The following CEBPZ variants were observed in gnomAD, a reference collection of about 807,000 sequenced individuals.
The protein encoded by CEBPZ is CCAAT/enhancer-binding protein zeta.
In CEBPZ, 78 loss-of-function variants were observed where a neutral mutation model predicts 104.5. The ratio of observed to expected loss-of-function variants is 0.75; its 90% CI spans 0.62 to 0.90. The LOEUF is 0.90. Among genes scored for constraint, CEBPZ ranks in the 40% least tolerant of loss-of-function variants. The pLI, the probability that CEBPZ is intolerant of heterozygous loss-of-function variation, is 0.00. For missense variants in CEBPZ, 1,439 were observed against 1,233.5 expected (o/e 1.17, Z -2.50); for synonymous variants, 470 against 427.0 (o/e 1.10, Z -1.24).
At chr2:37,214,472 A>AT (rs1462180131) in intron 9 of CEBPZ, among the ~76,000 whole-genome samples, 1 of 152,136 alleles carries the variant, frequency 6.6e-6, no homozygotes, top group African/African-American at 2.4e-5. Context: ...AAAGTATTAT[A>AT]TTAAAATCTA....
chr2:37,224,376 A>G (rs1023446507), intron 2 of CEBPZ, among the ~76,000 whole-genome samples: 8 of 152,212 alleles, frequency 5.3e-5, no homozygotes, highest in African/African-American at 1.9e-4. Flanking sequence ...AGCTCTATTA[A>G]CACCTGGAAT....
intron 13 of CEBPZ, among the ~76,000 whole-genome samples, chr2:37,208,128 TAAC>T (rs1455759626): frequency 6.6e-6 from 1 of 152,064 alleles, no homozygotes; most frequent in Non-Finnish European, 1.5e-5. Context: ...AACAGACCAA[TAAC>T]AAGTAGCACG....
chr2:37,227,772 T>C lies in CEBPZ; in HGVS notation c.1421A>G (p.Lys474Arg), dbSNP rs747483335. ...CATTTTTGATTCAACATCTTTTTTT[T>C]TGACACAAGTCCGAAAAAAGCAAAA... The part of the protein sequence containing the change: ...VYFCFFRTCV[K>R]KKDVESKMLS... The change falls in exon 2 of 16, where the codon AAA becomes AGA. Residue 474 changes from lysine (K) to arginine (R), a missense_variant. Transcript: ENST00000234170. 24 of 1,613,794 alleles carry C rather than the reference T, an allele frequency of 1.5e-5. No individual in the cohort carries two copies. Among genetic ancestry groups the C allele is most frequent in the African/African-American group, 6.7e-5 (5 of 74,862 alleles).
At chr2:37,202,352 A>G (rs1677293129) in intron 15 of CEBPZ, 1 of 161,274 alleles carries the variant, frequency 6.2e-6, no homozygotes, top group Admixed American at 6.3e-5. Flanking sequence ...TCTTTCAAAA[A>G]TATTCCTATC....
intron 2 of CEBPZ, among the ~76,000 whole-genome samples, chr2:37,224,079 C>A (rs1421606941): frequency 6.6e-6 from 1 of 152,150 alleles, no homozygotes; most frequent in Non-Finnish European, 1.5e-5. Context: ...CCTGCCTTTC[C>A]CTCTTCTCTA....
intron 2 of CEBPZ, among the ~76,000 whole-genome samples, chr2:37,224,387 C>CA (rs1243763303): frequency 6.6e-6 from 1 of 152,198 alleles, no homozygotes; most frequent in African/African-American, 2.4e-5. Flanking sequence ...CACCTGGAAT[C>CA]ATTACTTCCT....
intron 4 of CEBPZ, among the ~76,000 whole-genome samples, chr2:37,221,486 G>T (rs961142065): frequency 6.6e-6 from 1 of 152,184 alleles, no homozygotes; most frequent in Non-Finnish European, 1.5e-5. Context: ...TCAAATATTT[G>T]TCATGAAAGT....
At chr2:37,215,745 G>A (rs1677851749) in intron 8 of CEBPZ, among the ~76,000 whole-genome samples, 1 of 152,064 alleles carries the variant, frequency 6.6e-6, no homozygotes. Flanking sequence ...AACCAGCTGT[G>A]GGTTTTTGTG....
intron 1 of CEBPZ, among the ~76,000 whole-genome samples, chr2:37,231,026 A>G (rs1466467818): frequency 1.3e-5 from 2 of 152,204 alleles, no homozygotes; most frequent in African/African-American, 4.8e-5. Context: ...CTTCTGGGGC[A>G]TACAGTGACA....
In CEBPZ at chr2:37,216,877, T is replaced by C. The variant is rs1664599343; in HGVS notation, c.2208+107A>G. ...CTGCTTCTTTATACGAGCAGTAAAATGTACAAGATTCTCTCTGTTAGAGAA... is the reference window on the plus strand; with the variant it reads ...CTGCTTCTTTATACGAGCAGTAAAACGTACAAGATTCTCTCTGTTAGAGAA... On this transcript the variant is annotated intron_variant, in intron 6 of 15. Coordinates refer to ENST00000234170, the MANE Select transcript of CEBPZ (RefSeq NM_005760.3). 7.7e-6 allele frequency: 7 copies of C among 910,336 alleles called. No individual in the cohort carries two copies. The South Asian group carries it at 7.8e-5, about 10-fold the overall frequency. 56.4% of individuals were successfully genotyped at this position (910,336 alleles called of 1,614,324 possible).
chr2:37,219,688 G>T (rs528348796), intron 5 of CEBPZ, among the ~76,000 whole-genome samples: 212 of 152,266 alleles, frequency 1.4e-3, no homozygotes, highest in Non-Finnish European at 2.4e-3. Flanking sequence ...TACACAAAAA[G>T]TCACAGAAAG....
At position 37,202,814 on chromosome 2, in the gene CEBPZ, T is replaced by C. The variant is rs746619114; in HGVS notation, c.2995A>G (p.Met999Val). 6 of 1,598,748 alleles carry C rather than the reference T, an allele frequency of 3.8e-6. No individual in the cohort carries two copies. The highest frequency in any genetic ancestry group is 1.1e-5 in the South Asian group (1 of 87,852). ...TTATCTTTGTTAGCCATGGCATTCA[T>C]GCCAATGTTATCAAACTTGGATCCC... ...NMGSKFDNIG[M>V]NAMANKDNAS... The change falls in exon 15 of 16, where the codon ATG becomes GTG. Residue 999 changes from methionine (M) to valine (V), a missense_variant. By Grantham distance (21) the Met-to-Val change is conservative (BLOSUM62 1). Coordinates refer to ENST00000234170, the MANE Select transcript of CEBPZ (RefSeq NM_005760.3).
At position 37,220,468 on chromosome 2, in the gene CEBPZ, TCCCACC is replaced by T. The variant is rs775800670; in HGVS notation, c.2066-1_2070del. On this transcript the variant is annotated splice_acceptor_variant and coding_sequence_variant, in exon 5 of 16. Transcript: ENST00000234170. LOFTEE classifies it high-confidence loss of function. ...AATGGATCGTATTTATTTAACTGTTTCCCACCTAGGAATAACAAAAAAAATACGATT... is the reference window on the plus strand; with the variant it reads ...AATGGATCGTATTTATTTAACTGTTTTAGGAATAACAAAAAAAATACGATT... 1 of 1,577,670 alleles carries T rather than the reference TCCCACC, an allele frequency of 6.3e-7. No homozygotes were observed. Among genetic ancestry groups the T allele is most frequent in the Admixed American group, 1.7e-5 (1 of 57,816 alleles).
chr2:37,230,791 C>A (rs1313224162), intron 1 of CEBPZ, among the ~76,000 whole-genome samples: 1 of 152,170 alleles, frequency 6.6e-6, no homozygotes, highest in Non-Finnish European at 1.5e-5. Flanking sequence ...GCTGTTCCAA[C>A]TGACTGGAAT....
At chr2:37,217,863 C>T (rs561911032) in intron 5 of CEBPZ, among the ~76,000 whole-genome samples, 1 of 147,674 alleles carries the variant, frequency 6.8e-6, no homozygotes, top group African/African-American at 2.5e-5. Context: ...GATCGCGCCA[C>T]TGCACTCTGG....
chr2:37,201,722 T>A lies in CEBPZ; in HGVS notation c.*42A>T. 1 of 1,170,062 alleles carries A rather than the reference T, an allele frequency of 8.5e-7. No homozygotes were observed. 72.5% of individuals were successfully genotyped at this position (1,170,062 alleles called of 1,614,324 possible). On this transcript the variant is annotated 3_prime_UTR_variant, in exon 16 of 16. Coordinates refer to ENST00000234170, the MANE Select transcript of CEBPZ (RefSeq NM_005760.3). ...AAAAACATGGTTGAACAGCAAAAAT[T>A]AGATGTAAGTAGAATTTTAATCTAT...
chr2:37,207,430 A>AAAACTGAAATTGT (rs1284592016), intron 13 of CEBPZ, among the ~76,000 whole-genome samples: 8 of 152,228 alleles, frequency 5.3e-5, no homozygotes, highest in South Asian at 2.1e-4. Flanking sequence ...TAAACTTAAG[A>AAAACTGAAATTGT]AAACTGAAAT....
At chr2:37,209,935 G>T (rs1163233612) in intron 13 of CEBPZ, 4 of 151,882 alleles carry the variant, frequency 2.6e-5, no homozygotes, top group Non-Finnish European at 5.9e-5. Context: ...AAGTCAGCAA[G>T]AAAAAAACAA....
At chr2:37,203,041 T>C (rs769026985) in intron 13 of CEBPZ, 33 bp from the exon 14 acceptor site, 12 of 1,369,864 alleles carry the variant, frequency 8.8e-6, no homozygotes, top group Non-Finnish European at 1.2e-5. Context: ...ATTATTCAAT[T>C]ATAAATCTAA....
Sources: gnomAD v4.1 joint callset for allele counts (sites outside exome capture counted in the v4.1 genomes callset) on GRCh38, gnomAD v4.1.1 for gene constraint, MANE v1.5 for transcripts, NCBI Gene and HGNC (gene_info 2026-07-23, HGNC 2026-07-21) for gene names.